SLC39A10: variants seen among roughly 807,000 people sequenced by gnomAD.
The protein encoded by SLC39A10 is solute carrier family 39 member 10, also known as zinc transporter ZIP10.
SLC39A10 carries 13 observed loss-of-function variants against 65.1 expected under a neutral mutation model. The ratio of observed to expected loss-of-function variants is 0.20; its 90% CI spans 0.13 to 0.32. The LOEUF (loss-of-function observed/expected upper bound fraction) is 0.32. SLC39A10 is among the 10% of genes least tolerant of loss of function. SLC39A10 has a pLI of 1.00. For missense variants in SLC39A10, 831 were observed against 1,018.4 expected (o/e 0.82, Z 2.50); for synonymous variants, 321 against 342.2 (o/e 0.94, Z 0.68).
At chr2:195,632,982 AACTTGGATCT>A in intron 2 of SLC39A10, among the ~76,000 whole-genome samples, 1 of 152,322 alleles carries the variant, frequency 6.6e-6, no homozygotes, top group African/African-American at 2.4e-5. Context: ...TAGAGATAGG[AACTTGGATCT>A]TGCAAGGCAC....
chr2:195,666,924 G>A (rs532690063), intron 1 of SLC39A10, among the ~76,000 whole-genome samples: 2 of 152,280 alleles, frequency 1.3e-5, no homozygotes, highest in South Asian at 4.1e-4. Context: ...TCTCCAATAT[G>A]GTTCCAGGTT....
intron 1 of SLC39A10, among the ~76,000 whole-genome samples, chr2:195,661,097 A>G (rs1457945769): frequency 6.6e-6 from 1 of 152,186 alleles, no homozygotes; most frequent in Admixed American, 6.5e-5. Flanking sequence ...ATATTATAAC[A>G]CAATATACCA....
At chr2:195,699,401 GT>G (rs34963239) in intron 3 of SLC39A10, among the ~76,000 whole-genome samples, 108,025 of 151,546 alleles carry the variant, frequency 0.71, 38,555 homozygotes, top group Non-Finnish European at 0.73. Context: ...GATCTTACTT[GT>G]TTTTTTCATG....
At chr2:195,641,141 C>T (rs914218480) in intron 2 of SLC39A10, among the ~76,000 whole-genome samples, 4 of 152,168 alleles carry the variant, frequency 2.6e-5, no homozygotes, top group Non-Finnish European at 4.4e-5. Flanking sequence ...TAGCACAGTG[C>T]AAACCTTGTG....
At chr2:195,631,273 T>C (rs1438238042) in intron 2 of SLC39A10, among the ~76,000 whole-genome samples, 1 of 151,628 alleles carries the variant, frequency 6.6e-6, no homozygotes, top group Non-Finnish European at 1.5e-5. Flanking sequence ...AAAATAAAAA[T>C]AGAATATATA....
At chr2:195,688,134 A>G (rs147632752) in intron 3 of SLC39A10, among the ~76,000 whole-genome samples, 1 of 152,322 alleles carries the variant, frequency 6.6e-6, no homozygotes, top group East Asian at 1.9e-4. Context: ...TTTATTGCAT[A>G]TGGTATCTTG....
chr2:195,615,459 G>A (rs1046209580), intron 2 of SLC39A10, among the ~76,000 whole-genome samples: 5 of 152,062 alleles, frequency 3.3e-5, no homozygotes, highest in South Asian at 2.1e-4. Context: ...CACTATGACC[G>A]GCCATCTGGC....
At chr2:195,645,019 C>T (rs1290092645) in intron 2 of SLC39A10, among the ~76,000 whole-genome samples, 1 of 151,894 alleles carries the variant, frequency 6.6e-6, no homozygotes, top group Non-Finnish European at 1.5e-5. Context: ...AAGCGATTCT[C>T]CTGCCTCAGC....
intron 6 of SLC39A10, among the ~76,000 whole-genome samples, chr2:195,715,482 C>T (rs62203609): frequency 0.087 from 12,560 of 145,074 alleles, 568 homozygotes; most frequent in Middle Eastern, 0.11. Context: ...GCCAAGATCG[C>T]GCCATTGCGC....
At chr2:195,651,821 AC>A (rs1161512678), upstream of SLC39A10, among the ~76,000 whole-genome samples, 2 of 151,858 alleles carry the variant, frequency 1.3e-5, no homozygotes, top group Admixed American at 1.3e-4. Flanking sequence ...ATATCCCCAC[AC>A]CCCACCACAT....
chr2:195,706,714 C>A lies in SLC39A10; in HGVS notation c.1315C>A (p.Leu439Ile). Residue 439 changes from leucine (L) to isoleucine (I), a missense_variant, in exon 4 of 10, where the codon CTT becomes ATT. Coordinates refer to ENST00000359634, the MANE Select transcript of SLC39A10 (RefSeq NM_020342.3). Reference sequence around the variant, plus strand: ...CATTAACCAAGGATGCTTCAAATTCCTTCTTACATTCCTTGTTGCATTAGC... The same window carrying A: ...CATTAACCAAGGATGCTTCAAATTCATTCTTACATTCCTTGTTGCATTAGC... ...PIINQGCFKFLLTFLVALAVG... is the reference protein window; with the variant it reads ...PIINQGCFKFILTFLVALAVG... 6.2e-7 allele frequency: 1 copy of A among 1,604,860 alleles called. No homozygotes were observed.
intron 3 of SLC39A10, among the ~76,000 whole-genome samples, chr2:195,699,235 C>T (rs1691088151): frequency 6.6e-6 from 1 of 151,738 alleles, no homozygotes; most frequent in Non-Finnish European, 1.5e-5. Context: ...TGATCTTTTC[C>T]AAGAATCAAC....
intron 5 of SLC39A10, among the ~76,000 whole-genome samples, chr2:195,709,795 G>A (rs1028436601): frequency 6.6e-6 from 1 of 152,078 alleles, no homozygotes; most frequent in Non-Finnish European, 1.5e-5. Context: ...AAATAGGATG[G>A]CAAAAGATAT....
chr2:195,632,302 T>C (rs1443039170), intron 2 of SLC39A10, among the ~76,000 whole-genome samples: 6 of 126,360 alleles, frequency 4.7e-5, no homozygotes, highest in Admixed American at 1.8e-4. Flanking sequence ...TTTTTTTTTT[T>C]TTTTTTTTTT....
At chr2:195,635,916 A>T (rs560156321) in intron 2 of SLC39A10, among the ~76,000 whole-genome samples, 2 of 152,208 alleles carry the variant, frequency 1.3e-5, no homozygotes, top group Non-Finnish European at 2.9e-5. Context: ...TATTTGAAAG[A>T]TCTGCATAAC....
At chr2:195,703,959 A>C (rs1253104680) in intron 3 of SLC39A10, among the ~76,000 whole-genome samples, 1 of 152,136 alleles carries the variant, frequency 6.6e-6, no homozygotes, top group Non-Finnish European at 1.5e-5. Flanking sequence ...TGAGCCATTA[A>C]AATATTTTTA....
At chr2:195,656,721 T>C (rs1689153555), upstream of SLC39A10, 1 of 152,222 alleles carries the variant, frequency 6.6e-6, no homozygotes, top group African/African-American at 2.4e-5. Flanking sequence ...ACGTAGATGT[T>C]TAACTCGTAT....
intron 3 of SLC39A10, among the ~76,000 whole-genome samples, chr2:195,688,201 T>C (rs1690597900): frequency 6.6e-6 from 1 of 152,204 alleles, no homozygotes; most frequent in Admixed American, 6.5e-5. Flanking sequence ...TATTGTTTTA[T>C]ATAAGGTTTT....
rs1692307883 is a variant in SLC39A10, at chr2:195,728,053, T to C, written c.2147-106T>C. ...TTATATATCACATAAAATACTGTTA[T>C]TAAAAGTGTGTATCTTTTTAATGCT... On this transcript the variant is annotated intron_variant, in intron 8 of 9. Coordinates refer to ENST00000359634, the MANE Select transcript of SLC39A10 (RefSeq NM_020342.3). The surrounding 1 kb of genome is among the most constrained non-coding windows in gnomAD (Gnocchi z 4.4). The C allele has an allele frequency of 3.0e-6, 3 of 1,015,186 alleles. No homozygotes were observed. The highest frequency in any genetic ancestry group is 4.3e-6 in the Non-Finnish European group (3 of 699,008). The allele number at this position is 1,015,186 out of a possible 1,614,324, so 62.9% of individuals were successfully genotyped here.
Sources: allele counts gnomAD v4.1 joint callset (sites outside exome capture counted in the v4.1 genomes callset), GRCh38; gene constraint gnomAD v4.1.1; non-coding constraint Gnocchi (gnomAD v3.1); transcripts MANE v1.5; gene names NCBI Gene and HGNC (gene_info 2026-07-23, HGNC 2026-07-21).